The following PLCH1 variants were observed in gnomAD, a reference collection of about 807,000 sequenced individuals.
PLCH1 encodes 1-phosphatidylinositol 4,5-bisphosphate phosphodiesterase eta-1.
Under a neutral mutation model 126.7 loss-of-function variants are expected in PLCH1, and 60 were observed. The observed-to-expected ratio is 0.47, with a 90% CI of 0.38 to 0.59. The LOEUF is 0.59. PLCH1 is among the 20% of genes least tolerant of loss of function. The pLI is 0.00. For synonymous variants in PLCH1, 719 were observed against 734.9 expected, an observed-to-expected ratio of 0.98 and a Z score of 0.35; for missense variants, 1,723 against 2,040.0, an observed-to-expected ratio of 0.84 and a Z score of 2.99.
chr3:155,557,803 G>A (rs375314066), intron 8 of PLCH1, among the ~76,000 whole-genome samples: 3 of 152,166 alleles, frequency 2.0e-5, no homozygotes, highest in African/African-American at 7.2e-5. Flanking sequence ...AGGCCAAATA[G>A]CTAACATGAC....
chr3:155,703,199 A>G (rs1314565012), intron 2 of PLCH1, among the ~76,000 whole-genome samples: 14 of 152,236 alleles, frequency 9.2e-5, no homozygotes, highest in Non-Finnish European at 1.8e-4. Flanking sequence ...TAAATTTGTT[A>G]TCTTAAACTT....
chr3:155,484,243 C>T (rs888773307), intron 22 of PLCH1, among the ~76,000 whole-genome samples: 5 of 152,168 alleles, frequency 3.3e-5, no homozygotes, highest in African/African-American at 1.2e-4. Flanking sequence ...GTATTAACAT[C>T]TTAACTGTGG....
At chr3:155,499,420 G>A (rs549272716) in intron 14 of PLCH1, among the ~76,000 whole-genome samples, 1 of 152,316 alleles carries the variant, frequency 6.6e-6, no homozygotes, top group East Asian at 1.9e-4. Context: ...TTATAAATCG[G>A]TGTGAAGTCA....
At position 155,709,572 on chromosome 3, in the gene PLCH1, T is replaced by C. The variant is rs189465667; in HGVS notation, c.-40-5308A>G. 2.0e-5 allele frequency among the ~76,000 whole-genome samples: 3 copies of C among 152,342 alleles called. No homozygotes were observed. The East Asian group carries it at 5.8e-4, about 29-fold the overall frequency. On this transcript the variant is annotated intron_variant, in intron 1 of 22. Transcript: ENST00000460012. The stretch of plus-strand genomic sequence containing the variant: ...ACCTTTTCATATGCTTGTTTGCCAG[T>C]AGTATATCTTCTTCAGTGAGGTGTC...
rs1716689621 is a variant in PLCH1, at chr3:155,494,335, C to A, written c.2074+3G>T. On this transcript the variant is annotated splice_donor_region_variant and intron_variant, in intron 16 of 22. Transcript: ENST00000460012. ...GAACCACTCCTTCCCAAGGAATACA[C>A]ACCTAGCTGGCAGCCTGCGTTCCAG... 6.2e-7 allele frequency: 1 copy of A among 1,613,866 alleles called. No individual in the cohort carries two copies. The highest frequency in any genetic ancestry group is 1.7e-5 in the Admixed American group (1 of 59,980).
intron 2 of PLCH1, among the ~76,000 whole-genome samples, chr3:155,608,868 T>C (rs550284252): frequency 5.3e-5 from 8 of 152,306 alleles, no homozygotes; most frequent in Non-Finnish European, 7.3e-5. Flanking sequence ...TAGAGCAAGC[T>C]TATATCCTCT....
rs148212422 is a variant in PLCH1, at chr3:155,691,138, T to C, written c.79+13008A>G. On this transcript the variant is annotated intron_variant, in intron 2 of 22. Coordinates refer to ENST00000460012, the MANE Select transcript of PLCH1 (RefSeq NM_014996.4). Reference sequence around the variant, plus strand: ...GTAATGCATTGCTGTGTCACAATAGTGGAAAAACCCTGGATTTGAGAGTCT... The same window carrying C: ...GTAATGCATTGCTGTGTCACAATAGCGGAAAAACCCTGGATTTGAGAGTCT... Among the ~76,000 whole-genome samples the C allele has an allele frequency of 2.0e-5, 3 of 152,278 alleles. No individual in the cohort carries two copies. In the East Asian group the frequency reaches 5.8e-4, roughly 29 times the overall value.
chr3:155,581,290 C>T (rs2108584765), intron 6 of PLCH1, among the ~76,000 whole-genome samples: 1 of 152,288 alleles, frequency 6.6e-6, no homozygotes, highest in South Asian at 2.1e-4. Context: ...AACTTTTCCA[C>T]TCAGATATAT....
chr3:155,657,603 C>T (rs1338199097), intron 2 of PLCH1, among the ~76,000 whole-genome samples: 2 of 152,128 alleles, frequency 1.3e-5, no homozygotes, highest in African/African-American at 4.8e-5. Context: ...TCTATTATTT[C>T]CAAAATATTT....
At position 155,455,400 on chromosome 3, in the gene PLCH1, G is replaced by A. The variant is rs576944173; in HGVS notation, c.2938+29956C>T. Among the ~76,000 whole-genome samples, 4 of 152,310 alleles carry A rather than the reference G, an allele frequency of 2.6e-5. No homozygotes were observed. The South Asian group carries it at 8.3e-4, about 32-fold the overall frequency. ...TTTCAGGTAGAATTTGATCTGAACTGGCATTGGTCCTAAATTAGCACCTGG... is the reference window on the plus strand; with the variant it reads ...TTTCAGGTAGAATTTGATCTGAACTAGCATTGGTCCTAAATTAGCACCTGG... On this transcript the variant is annotated intron_variant, in intron 21 of 21. Coordinates refer to the PLCH1 transcript ENST00000494598.
At chr3:155,457,030 G>A (rs1275286802) in intron 21 of PLCH1, 3 of 152,432 alleles carry the variant, frequency 2.0e-5, no homozygotes, top group African/African-American at 4.8e-5. Context: ...GGGAACAGGC[G>A]AGAAGTCCCT....
chr3:155,629,949 T>G (rs1737831838), intron 2 of PLCH1, among the ~76,000 whole-genome samples: 1 of 152,236 alleles, frequency 6.6e-6, no homozygotes, highest in Non-Finnish European at 1.5e-5. Flanking sequence ...ATTAAGTAAT[T>G]TAAAGGGACA....
chr3:155,529,265 T>C (rs1344788573), intron 10 of PLCH1, among the ~76,000 whole-genome samples: 6 of 152,200 alleles, frequency 3.9e-5, no homozygotes, highest in African/African-American at 1.2e-4. Context: ...AGCTTCAAGA[T>C]ATCTGGCTGC....
At chr3:155,484,736 C>T (rs1200037632) in intron 22 of PLCH1, among the ~76,000 whole-genome samples, 1 of 152,114 alleles carries the variant, frequency 6.6e-6, no homozygotes, top group East Asian at 1.9e-4. Flanking sequence ...CAATGATACA[C>T]TCAAATTAAG....
chr3:155,677,524 C>A (rs1023182979), intron 2 of PLCH1, among the ~76,000 whole-genome samples: 1 of 152,152 alleles, frequency 6.6e-6, no homozygotes, highest in Non-Finnish European at 1.5e-5. Context: ...AGTTTAGGAG[C>A]CTATCTGCCT....
intron 2 of PLCH1, among the ~76,000 whole-genome samples, chr3:155,640,286 C>G (rs13087389): frequency 0.28 from 42,761 of 152,086 alleles, 6,458 homozygotes; most frequent in East Asian, 0.45. Flanking sequence ...CAGTTCACCT[C>G]TTGTGAACCC....
rs144911947 is a variant in PLCH1, at chr3:155,734,593, T to C, written c.-41+10247A>G. Among the ~76,000 whole-genome samples the C allele has an allele frequency of 3.1e-4, 47 of 152,344 alleles. No individual in the cohort carries two copies. The East Asian group carries it at 8.3e-3, about 27-fold the overall frequency. ...GAATTATCTTCACTCACATGTTCAC[T>C]ACAGCATTGTTCAGAATAGCGAAGT... On this transcript the variant is annotated intron_variant, in intron 1 of 22. Transcript: ENST00000460012.
chr3:155,481,502 C>G lies in PLCH1; in HGVS notation c.4524G>C (p.Lys1508Asn), dbSNP rs746432126. The change falls in exon 23 of 23, where the codon AAG becomes AAC. Residue 1508 changes from lysine (K) to asparagine (N), a missense_variant. Coordinates refer to ENST00000460012, the MANE Select transcript of PLCH1 (RefSeq NM_014996.4). The surrounding 1 kb of genome is among the most constrained non-coding windows in gnomAD (Gnocchi z 4.2). Reference protein sequence around the residue: ...NFESKYQCISKSFVTTGIRDK... With the variant: ...NFESKYQCISNSFVTTGIRDK... ...CTCTAATGCCAGTTGTAACAAAACTCTTACTAATACACTGGTACTTGCTCT... is the reference window on the plus strand; with the variant it reads ...CTCTAATGCCAGTTGTAACAAAACTGTTACTAATACACTGGTACTTGCTCT... 6.2e-7 allele frequency: 1 copy of G among 1,614,076 alleles called. No homozygotes were observed. Among genetic ancestry groups the G allele is most frequent in the Non-Finnish European group, 8.5e-7 (1 of 1,180,054 alleles).
chr3:155,663,148 T>C (rs566778578), intron 2 of PLCH1, among the ~76,000 whole-genome samples: 68 of 152,374 alleles, frequency 4.5e-4, no homozygotes, highest in African/African-American at 1.6e-3. Flanking sequence ...GTCCCTGTTA[T>C]GTAAATCTCC....
Sources: gnomAD v4.1 joint callset for allele counts (sites outside exome capture counted in the v4.1 genomes callset) on GRCh38, gnomAD v4.1.1 for gene constraint, Gnocchi (gnomAD v3.1) non-coding constraint, MANE v1.5 for transcripts, NCBI Gene and HGNC (gene_info 2026-07-23, HGNC 2026-07-21) for gene names.